Variants in SPIDR observed in about 807,000 individuals in gnomAD.
The protein encoded by SPIDR is scaffold protein involved in DNA repair.
In SPIDR, 93 loss-of-function variants were observed where a neutral mutation model predicts 104.6. The observed-to-expected ratio is 0.89, with a 90% CI of 0.75 to 1.06. SPIDR has a LOEUF of 1.06. SPIDR is among the 50% of genes least tolerant of loss of function. SPIDR has a pLI of 0.00. For missense variants in SPIDR, 1,154 were observed against 1,111.2 expected, an observed-to-expected ratio of 1.04 and a Z score of -0.55; for synonymous variants, 431 against 416.9, an observed-to-expected ratio of 1.03 and a Z score of -0.41.
chr8:47,498,973 C>G (rs937224602), intron 8 of SPIDR, among the ~76,000 whole-genome samples: 2 of 152,162 alleles, frequency 1.3e-5, no homozygotes, highest in Non-Finnish European at 2.9e-5. Flanking sequence ...TTTGTAATCA[C>G]TACCACGAGG....
chr8:47,522,952 G>T (rs933969865), intron 8 of SPIDR, among the ~76,000 whole-genome samples: 10 of 151,380 alleles, frequency 6.6e-5, no homozygotes, highest in African/African-American at 1.9e-4. Flanking sequence ...TTTGTTGTAT[G>T]TGTGTGTGTG....
At chr8:47,575,801 A>C (rs1323688399) in intron 8 of SPIDR, among the ~76,000 whole-genome samples, 1 of 151,422 alleles carries the variant, frequency 6.6e-6, no homozygotes, top group Non-Finnish European at 1.5e-5. Flanking sequence ...CTCTACTGAA[A>C]ATACAAAAAT....
intron 6 of SPIDR, among the ~76,000 whole-genome samples, chr8:47,397,027 T>A (rs10441557): frequency 1.3e-5 from 2 of 151,794 alleles, no homozygotes; most frequent in African/African-American, 4.8e-5. Flanking sequence ...AACCCACAGA[T>A]GAGACGTATC....
At chr8:47,723,974 TTA>T (rs2083831237) in intron 16 of SPIDR, among the ~76,000 whole-genome samples, 1 of 151,564 alleles carries the variant, frequency 6.6e-6, no homozygotes, top group African/African-American at 2.4e-5. Context: ...AAATAAACTA[TTA>T]TCTTTTCTAT....
intron 8 of SPIDR, among the ~76,000 whole-genome samples, chr8:47,548,440 G>C (rs940656515): frequency 7.9e-5 from 12 of 152,214 alleles, no homozygotes; most frequent in African/African-American, 2.4e-4. Context: ...CTGAGGTCAG[G>C]AGTTCGAGAC....
chr8:47,329,639 A>G (rs117654302), intron 5 of SPIDR, among the ~76,000 whole-genome samples: 211 of 152,274 alleles, frequency 1.4e-3, no homozygotes, highest in Admixed American at 4.2e-3. Flanking sequence ...ATATGGCTCT[A>G]CTTTCTCTTC....
At chr8:47,598,236 G>A (rs73567589) in intron 9 of SPIDR, among the ~76,000 whole-genome samples, 3,987 of 152,324 alleles carry the variant, frequency 0.026, 134 homozygotes, top group African/African-American at 0.084. Flanking sequence ...GAACTTTGGA[G>A]CCAGATGACC....
chr8:47,482,651 T>C (rs2077025447), intron 8 of SPIDR, among the ~76,000 whole-genome samples: 1 of 151,670 alleles, frequency 6.6e-6, no homozygotes, highest in Non-Finnish European at 1.5e-5. Flanking sequence ...TGGAGAGAGG[T>C]TTCTATAGGG....
chr8:47,445,357 A>G (rs1334985672), intron 8 of SPIDR, among the ~76,000 whole-genome samples: 1 of 152,212 alleles, frequency 6.6e-6, no homozygotes, highest in African/African-American at 2.4e-5. Flanking sequence ...TCGAGATGCC[A>G]TGAACCGTGG....
intron 5 of SPIDR, among the ~76,000 whole-genome samples, chr8:47,378,185 C>A (rs143632607): frequency 5.9e-4 from 90 of 152,282 alleles, no homozygotes; most frequent in African/African-American, 2.1e-3. Context: ...AGTTCATGTT[C>A]TTGCATGAAT....
intron 10 of SPIDR, among the ~76,000 whole-genome samples, chr8:47,611,481 G>A (rs2063596134): frequency 6.6e-6 from 1 of 152,186 alleles, no homozygotes; most frequent in Non-Finnish European, 1.5e-5. Context: ...GGCAGATCAC[G>A]AGGTCAGGAG....
In SPIDR at chr8:47,564,067, C is replaced by A. The variant is rs376873992; in HGVS notation, c.1098-31744C>A. On this transcript the variant is annotated intron_variant, in intron 8 of 19. Transcript: ENST00000297423. ...ATATTTAAATATTTGCTTCTTTTTT[C>A]TTTTCTTTTTTTTTTTTTTTTTTTT... Among the ~76,000 whole-genome samples, 31 of 118,410 alleles carry A rather than the reference C, an allele frequency of 2.6e-4. 1 individual carries two copies. In the South Asian group the frequency reaches 6.5e-3, roughly 25 times the overall value. 77.7% of individuals were successfully genotyped at this position (118,410 alleles called of 152,430 possible).
intron 5 of SPIDR, among the ~76,000 whole-genome samples, chr8:47,344,276 T>C (rs2051402953): frequency 6.6e-6 from 1 of 152,200 alleles, no homozygotes; most frequent in Non-Finnish European, 1.5e-5. Context: ...CCTTCATCCA[T>C]GTCCCTACAA....
At chr8:47,401,004 C>T (rs538500329) in intron 6 of SPIDR, among the ~76,000 whole-genome samples, 4 of 152,022 alleles carry the variant, frequency 2.6e-5, no homozygotes, top group South Asian at 2.1e-4. Flanking sequence ...AGATACTCCT[C>T]GAGAAGAGCA....
At chr8:47,698,869 G>A (rs2079719661) in intron 11 of SPIDR, among the ~76,000 whole-genome samples, 2 of 152,238 alleles carry the variant, frequency 1.3e-5, no homozygotes, top group African/African-American at 4.8e-5. Context: ...GGTCCTGCCA[G>A]CCGCAGATGT....
chr8:47,635,802 G>A (rs183560468), intron 10 of SPIDR, among the ~76,000 whole-genome samples: 2 of 152,322 alleles, frequency 1.3e-5, no homozygotes, highest in Admixed American at 1.3e-4. Flanking sequence ...ACCTCTGGGA[G>A]GAAGGAGAAA....
chr8:47,295,392 A>C (rs2040660135), intron 5 of SPIDR, among the ~76,000 whole-genome samples: 2 of 152,198 alleles, frequency 1.3e-5, no homozygotes, highest in African/African-American at 4.8e-5. Flanking sequence ...GTATTAGATT[A>C]CTAAAGCATA....
chr8:47,682,757 G>A (rs529583764), intron 11 of SPIDR, among the ~76,000 whole-genome samples: 1 of 152,276 alleles, frequency 6.6e-6, no homozygotes, highest in South Asian at 2.1e-4. Context: ...CAAAAAGGAG[G>A]AAATGCCAGT....
intron 11 of SPIDR, among the ~76,000 whole-genome samples, chr8:47,674,886 T>A (rs2076227681): frequency 1.3e-5 from 2 of 152,222 alleles, no homozygotes; most frequent in South Asian, 4.1e-4. Context: ...ACCGTACTGC[T>A]GAGTGACAGC....
Sources: gnomAD v4.1 joint callset for allele counts (sites outside exome capture counted in the v4.1 genomes callset) on GRCh38, gnomAD v4.1.1 for gene constraint, MANE v1.5 for transcripts, NCBI Gene and HGNC (gene_info 2026-07-23, HGNC 2026-07-21) for gene names.